Variants in CD8A observed in about 807,000 individuals in gnomAD.
CD8A encodes T-cell surface glycoprotein CD8 alpha chain.
In CD8A, 25 loss-of-function variants were observed where a neutral mutation model predicts 24.2. That is an observed-to-expected ratio of 1.03 (90% CI 0.75 to 1.44). The LOEUF (loss-of-function observed/expected upper bound fraction) is 1.44, where lower values mean the gene tolerates loss of function less well. CD8A is among the 40% of genes most tolerant of loss of function. The pLI, the probability that CD8A is intolerant of heterozygous loss-of-function variation, is 0.00. For missense variants in CD8A, 360 were observed against 319.7 expected (o/e 1.13, Z -0.96); for synonymous variants, 165 against 149.9 (o/e 1.10, Z -0.74).
upstream of CD8A, chr2:86,791,502 A>G: frequency 2.2e-6 from 1 of 454,130 alleles, no homozygotes; most frequent in Non-Finnish European, 4.4e-6. Context: ...TCCAGCGGCT[A>G]AACTCACCAC....
chr2:86,788,672 C>G (rs1673125877), intron 4 of CD8A, 112 bp from the exon 5 acceptor site: 2 of 971,176 alleles, frequency 2.1e-6, no homozygotes, highest in Non-Finnish European at 3.3e-6. Context: ...TTTGGTTTTA[C>G]AAAAAATCAT....
At chr2:86,787,019 C>CAAA (rs745778659) in intron 5 of CD8A, among the ~76,000 whole-genome samples, 8,561 of 36,282 alleles carry the variant, frequency 0.24, 2,039 homozygotes, top group Admixed American at 0.26. Context: ...GACTCCGTCT[C>CAAA]AAAAAAAAAA....
chr2:86,793,157 G>C (rs941605312), upstream of CD8A, among the ~76,000 whole-genome samples: 5 of 152,204 alleles, frequency 3.3e-5, no homozygotes, highest in Admixed American at 1.3e-4. Flanking sequence ...AGTAGAAGGA[G>C]AGCGTTCAGC....
rs774849270 is a variant in CD8A at position 86,785,959 on chromosome 2, T to G, written c.669A>C (p.Lys223Asn). 6.2e-7 allele frequency: 1 copy of G among 1,613,966 alleles called. No homozygotes were observed. Among genetic ancestry groups the G allele is most frequent in the South Asian group, 1.1e-5 (1 of 91,082 alleles). The change falls in exon 6 of 6, where the codon AAA becomes AAC. Residue 223 changes from lysine (K) to asparagine (N), a missense_variant. By Grantham distance (94) the Lys-to-Asn change is moderately conservative. Coordinates refer to ENST00000283635, the MANE Select transcript of CD8A (RefSeq NM_001768.7). ...CCGAAAGGCTGGGCTTGTCTCCCGATTTGACCACAGGCCTGAAAGAGAGGA... is the reference window on the plus strand; with the variant it reads ...CCGAAAGGCTGGGCTTGTCTCCCGAGTTGACCACAGGCCTGAAAGAGAGGA... ...RVCKCPRPVVKSGDKPSLSAR... is the reference protein window; with the variant it reads ...RVCKCPRPVVNSGDKPSLSAR...
Position 86,790,456 on chromosome 2 carries a change from T to C in CD8A, c.275A>G (p.Lys92Arg). ...GAGGACGAAGGTGTCCCCCAACCTCTTGCCCGAGAACCGCTGGGTGTCCAG... is the reference window on the plus strand; with the variant it reads ...GAGGACGAAGGTGTCCCCCAACCTCCTGCCCGAGAACCGCTGGGTGTCCAG... ...EGLDTQRFSGKRLGDTFVLTL... is the reference protein window; with the variant it reads ...EGLDTQRFSGRRLGDTFVLTL... The change falls in exon 2 of 6, where the codon AAG (lysine) becomes AGG (arginine). Residue 92 changes from lysine to arginine, a missense_variant. Lys to Arg is a conservative substitution (Grantham distance 26). Coordinates refer to ENST00000283635, the MANE Select transcript of CD8A (RefSeq NM_001768.7). 1 of 1,614,118 alleles carries C rather than the reference T, an allele frequency of 6.2e-7. No individual in the cohort carries two copies. The highest frequency in any genetic ancestry group is 8.5e-7 in the Non-Finnish European group (1 of 1,180,000).
intron 2 of CD8A, 58 bp downstream of exon 2, chr2:86,790,270 C>G: frequency 7.9e-7 from 1 of 1,262,196 alleles, no homozygotes; most frequent in Non-Finnish European, 1.2e-6. Flanking sequence ...GTGTGGAAAA[C>G]AGGTTGAGGT....
exon 3 of CD8A, chr2:86,801,589 C>T (rs540337910): frequency 3.1e-4 from 47 of 152,108 alleles, no homozygotes; most frequent in African/African-American, 1.1e-3. Flanking sequence ...AGGAATCCAT[C>T]CATCCACCTT....
chr2:86,807,363 T>A (rs1673944264), intron 2 of CD8A: 1 of 152,300 alleles, frequency 6.6e-6, no homozygotes, highest in South Asian at 2.1e-4. Context: ...AACAAAAAAA[T>A]TCATTTGGGA....
chr2:86,790,227 A>G, intron 2 of CD8A, 101 bp downstream of exon 2: 1 of 870,698 alleles, frequency 1.1e-6, no homozygotes, highest in South Asian at 1.4e-5. Flanking sequence ...AGTCGCTTCC[A>G]GGTGCGCTAA....
intron 3 of CD8A, among the ~76,000 whole-genome samples, chr2:86,799,265 T>C (rs1389406756): frequency 2.6e-5 from 4 of 152,202 alleles, no homozygotes; most frequent in African/African-American, 4.8e-5. Flanking sequence ...TATTCTTTCA[T>C]GATTATTTTA....
intron 5 of CD8A, among the ~76,000 whole-genome samples, chr2:86,787,562 TCA>T: frequency 6.6e-6 from 1 of 152,274 alleles, no homozygotes; most frequent in East Asian, 1.9e-4. Flanking sequence ...GTTCTAAGCC[TCA>T]GTTTCCTTAT....
upstream of CD8A, chr2:86,791,144 T>A (rs1192218634): frequency 4.9e-6 from 3 of 610,158 alleles, no homozygotes; most frequent in Non-Finnish European, 9.1e-6. Flanking sequence ...TCCTTGGAAA[T>A]GGTTGTCTTG....
At chr2:86,795,619 A>G (rs1673457124), upstream of CD8A, among the ~76,000 whole-genome samples, 1 of 152,208 alleles carries the variant, frequency 6.6e-6, no homozygotes, top group Non-Finnish European at 1.5e-5. Context: ...GTCTGTTCTT[A>G]GTGTAGAGGC....
upstream of CD8A, among the ~76,000 whole-genome samples, chr2:86,793,446 G>A (rs1353144952): frequency 6.6e-6 from 1 of 152,150 alleles, no homozygotes; most frequent in Non-Finnish European, 1.5e-5. Flanking sequence ...ATGGTATGAG[G>A]GTCCCTCGCT....
intron 3 of CD8A, among the ~76,000 whole-genome samples, chr2:86,796,171 A>C (rs1392681129): frequency 6.6e-6 from 1 of 152,202 alleles, no homozygotes; most frequent in Non-Finnish European, 1.5e-5. Flanking sequence ...ATTCATAGAG[A>C]ATGCAACACA....
At chr2:86,800,665 A>G (rs564980757) in intron 3 of CD8A, among the ~76,000 whole-genome samples, 188 of 152,302 alleles carry the variant, frequency 1.2e-3, no homozygotes, top group African/African-American at 1.9e-3. Context: ...CCAAAACCCA[A>G]GAAAGTGAAT....
At chr2:86,802,849 G>T (rs1043290732) in intron 2 of CD8A, among the ~76,000 whole-genome samples, 10 of 151,904 alleles carry the variant, frequency 6.6e-5, no homozygotes, top group African/African-American at 2.4e-4. Flanking sequence ...GGCCTCAAGT[G>T]ATCTGCCTGC....
At chr2:86,793,025 C>A (rs1673364504), upstream of CD8A, among the ~76,000 whole-genome samples, 4 of 152,340 alleles carry the variant, frequency 2.6e-5, no homozygotes, top group South Asian at 8.3e-4. Flanking sequence ...CCACAGAAAA[C>A]CACTGTTACA....
intron 3 of CD8A, among the ~76,000 whole-genome samples, chr2:86,798,524 TTTTC>T (rs1259592005): frequency 6.8e-6 from 1 of 147,218 alleles, no homozygotes; most frequent in Non-Finnish European, 1.5e-5. Context: ...ATCTTTTCCT[TTTTC>T]TTTTTTTTTT....
Sources: gnomAD v4.1 joint callset for allele counts (sites outside exome capture counted in the v4.1 genomes callset) on GRCh38, gnomAD v4.1.1 for gene constraint, MANE v1.5 for transcripts, NCBI Gene and HGNC (gene_info 2026-07-23, HGNC 2026-07-21) for gene names.